PDZD2: variants seen among roughly 807,000 people sequenced by gnomAD.
The protein encoded by PDZD2 is PDZ domain containing 2.
PDZD2 carries 90 observed loss-of-function variants against 220.7 expected under a neutral mutation model. The observed-to-expected ratio is 0.41, with a 90% CI of 0.34 to 0.49. PDZD2 has a LOEUF of 0.49. Among genes scored for constraint, PDZD2 ranks in the 20% least tolerant of loss-of-function variants. The pLI, the probability that PDZD2 is intolerant of heterozygous loss-of-function variation, is 0.28. For synonymous variants in PDZD2, 1,375 were observed against 1,450.5 expected, an observed-to-expected ratio of 0.95 and a Z score of 1.18; for missense variants, 3,174 against 3,608.5, an observed-to-expected ratio of 0.88 and a Z score of 3.08.
At chr5:31,900,804 A>G (rs995376497) in intron 2 of PDZD2, among the ~76,000 whole-genome samples, 1 of 152,130 alleles carries the variant, frequency 6.6e-6, no homozygotes, top group African/African-American at 2.4e-5. Context: ...TATCTGTGTA[A>G]TAGACTTGCT....
intron 15 of PDZD2, among the ~76,000 whole-genome samples, chr5:32,070,856 G>A (rs1234797116): frequency 1.3e-5 from 2 of 151,996 alleles, no homozygotes; most frequent in Non-Finnish European, 2.9e-5. Flanking sequence ...GTAGCCGGAT[G>A]TGGTGGCGCA....
At chr5:32,105,287 A>T (rs181057113) in intron 24 of PDZD2, among the ~76,000 whole-genome samples, 2 of 152,352 alleles carry the variant, frequency 1.3e-5, no homozygotes, top group South Asian at 4.1e-4. Flanking sequence ...ACACAGGAAG[A>T]TGCTCAAACT....
At chr5:31,988,986 C>T (rs1296220719) in intron 3 of PDZD2, among the ~76,000 whole-genome samples, 1 of 152,180 alleles carries the variant, frequency 6.6e-6, no homozygotes, top group Non-Finnish European at 1.5e-5. Context: ...CCGAGCCCGA[C>T]GTATTCCAAT....
chr5:31,988,158 C>T lies in PDZD2; in HGVS notation c.978+4502C>T, dbSNP rs117831493. Among the ~76,000 whole-genome samples, 1,066 of 152,274 alleles carry T rather than the reference C, an allele frequency of 7.0e-3. 31 individuals are homozygous for T. The highest frequency in any genetic ancestry group is 0.068 in the East Asian group (353 of 5,180). On this transcript the variant is annotated intron_variant, in intron 3 of 24. Coordinates refer to ENST00000438447, the MANE Select transcript of PDZD2 (RefSeq NM_178140.4). ...TTACTCACACACATACACATAGGTG[C>T]ACAACATACATGTGCATGCACACAC...
rs1411609190 is a variant in PDZD2 at position 32,010,407 on chromosome 5, C to T, written c.1332C>T (p.Ser444=). 6.2e-7 allele frequency: 1 copy of T among 1,611,816 alleles called. No individual in the cohort carries two copies. The highest frequency in any genetic ancestry group is 8.5e-7 in the Non-Finnish European group (1 of 1,177,938). Residue 444 remains serine, a synonymous_variant, in exon 6 of 25, where the codon TCC becomes TCT. Coordinates refer to ENST00000438447, the MANE Select transcript of PDZD2 (RefSeq NM_178140.4). ...TGACCAGCTCGGTAGAAGATGTGTC[C>T]TCCTGGACTGATAACGAAGACCAGG... is the stretch of plus-strand genomic sequence containing the variant. ...PDLTSSVEDV[S]SWTDNEDQEA...
chr5:32,061,435 A>C (rs1490873637), intron 14 of PDZD2, among the ~76,000 whole-genome samples: 1 of 152,194 alleles, frequency 6.6e-6, no homozygotes, highest in South Asian at 2.1e-4. Flanking sequence ...GGTTTTTGCA[A>C]CAACAGAATC....
chr5:32,102,334 C>T (rs1561606810), intron 24 of PDZD2, among the ~76,000 whole-genome samples: 2 of 152,028 alleles, frequency 1.3e-5, no homozygotes, highest in Admixed American at 6.5e-5. Flanking sequence ...CCCCTGTGGG[C>T]AGCCAGAGCG....
intron 1 of PDZD2, among the ~76,000 whole-genome samples, chr5:31,700,695 G>A (rs1345752934): frequency 6.6e-6 from 1 of 152,200 alleles, no homozygotes; most frequent in Non-Finnish European, 1.5e-5. Context: ...TGAGGGAAGG[G>A]TGAAGCCATT....
intron 2 of PDZD2, among the ~76,000 whole-genome samples, chr5:31,938,969 C>T (rs1745994653): frequency 1.3e-5 from 2 of 152,214 alleles, no homozygotes; most frequent in Admixed American, 6.5e-5. Flanking sequence ...GAAAGCATCT[C>T]ACAGGAGATT....
intron 1 of PDZD2, chr5:31,748,107 G>C (rs1750711314): frequency 6.6e-6 from 1 of 152,222 alleles, no homozygotes; most frequent in Admixed American, 6.5e-5. Flanking sequence ...GAAATGTCTA[G>C]TTGGCTGTCT....
intron 2 of PDZD2, among the ~76,000 whole-genome samples, chr5:31,879,779 A>G (rs1460609881): frequency 6.6e-6 from 1 of 151,612 alleles, no homozygotes; most frequent in Admixed American, 6.6e-5. Context: ...TCTTTGTTAG[A>G]TAGAGGAAAA....
At chr5:31,878,223 A>G (rs2150332293) in intron 2 of PDZD2, among the ~76,000 whole-genome samples, 1 of 152,310 alleles carries the variant, frequency 6.6e-6, no homozygotes, top group South Asian at 2.1e-4. Context: ...ATAGCAGAGC[A>G]AGCCTGGGAG....
At chr5:31,893,586 CAAAAA>C (rs35086496) in intron 2 of PDZD2, among the ~76,000 whole-genome samples, 1 of 151,598 alleles carries the variant, frequency 6.6e-6, no homozygotes, top group Non-Finnish European at 1.5e-5. Context: ...AACAAAAAGA[CAAAAA>C]AAACAGGTGG....
At chr5:31,937,056 C>A (rs1745808756) in intron 2 of PDZD2, among the ~76,000 whole-genome samples, 1 of 152,170 alleles carries the variant, frequency 6.6e-6, no homozygotes, top group African/African-American at 2.4e-5. Flanking sequence ...CAGCCACATG[C>A]AAGGATAATT....
rs16889443 is a variant in PDZD2, at chr5:32,092,973, A to G, written c.7794A>G (p.Gly2598=). Residue 2598 remains glycine (G), a synonymous_variant, in exon 21 of 25, where the codon GGA becomes GGG. Coordinates refer to ENST00000438447, the MANE Select transcript of PDZD2 (RefSeq NM_178140.4). ...QRLQSVLSSV[G]SKSTILTLIQ... ...TACAGTCTGTTTTATCGTCAGTGGG[A>G]TCGAAATCTACCATCCTAACTCTCA... 18,683 of 1,606,870 alleles carry G rather than the reference A, an allele frequency of 0.012. 1,834 individuals are homozygous for G. The African/African-American group carries it at 0.22, about 19-fold the overall frequency.
At chr5:31,795,180 G>T (rs1476727001) in intron 1 of PDZD2, among the ~76,000 whole-genome samples, 3 of 152,168 alleles carry the variant, frequency 2.0e-5, no homozygotes, top group East Asian at 3.9e-4. Context: ...TGTTGGGTAG[G>T]ATCGAGCTTT....
At chr5:31,881,362 G>A (rs1262011475) in intron 2 of PDZD2, among the ~76,000 whole-genome samples, 9 of 123,872 alleles carry the variant, frequency 7.3e-5, no homozygotes, top group African/African-American at 2.5e-4. Flanking sequence ...GTGTGTGTGT[G>A]TGTGTGTATA....
chr5:31,830,411 C>T (rs1397587793), intron 2 of PDZD2, among the ~76,000 whole-genome samples: 1 of 150,890 alleles, frequency 6.6e-6, no homozygotes, highest in East Asian at 2.0e-4. Flanking sequence ...CTCCTGACCT[C>T]GTGATCTGCC....
At chr5:31,977,552 C>A (rs1749897820) in intron 2 of PDZD2, among the ~76,000 whole-genome samples, 1 of 152,146 alleles carries the variant, frequency 6.6e-6, no homozygotes, top group Non-Finnish European at 1.5e-5. Context: ...TTGGAGAGCC[C>A]AGACTCCAGA....
Sources: gnomAD v4.1 joint callset for allele counts (sites outside exome capture counted in the v4.1 genomes callset) on GRCh38, gnomAD v4.1.1 for gene constraint, MANE v1.5 for transcripts, NCBI Gene and HGNC (gene_info 2026-07-23, HGNC 2026-07-21) for gene names.